Variants in FAM161A observed in about 807,000 individuals in gnomAD.
FAM161A encodes FAM161 centrosomal protein A.
Under a neutral mutation model 70.9 loss-of-function variants are expected in FAM161A, and 57 were observed. That is an observed-to-expected ratio of 0.80 (90% confidence interval 0.65 to 1.00). The LOEUF is 1.00. FAM161A is among the 50% of genes least tolerant of loss of function. The probability of loss-of-function intolerance (pLI) is 0.00; values close to 1 mark genes in which losing one functional copy is unlikely to be tolerated. For missense variants in FAM161A, 880 were observed against 836.0 expected, an observed-to-expected ratio of 1.05 and a Z score of -0.65; for synonymous variants, 299 against 295.7, an observed-to-expected ratio of 1.01 and a Z score of -0.12.
chr2:61,800,320 CATGCATGTAAACAGAGA>C, the FAM161A span, among the ~76,000 whole-genome samples: 3 of 152,322 alleles, frequency 2.0e-5, no homozygotes, highest in East Asian at 5.8e-4. Context: ...ATTGCGTCTG[CATGCATGTAAACAGAGA>C]CCCAATTACC....
At position 61,824,995 on chromosome 2, in the gene FAM161A, C is replaced by T; in HGVS notation, c.*1460G>A. 1 of 453,000 alleles carries T rather than the reference C, an allele frequency of 2.2e-6. No individual in the cohort carries two copies. The highest frequency in any genetic ancestry group is 1.6e-5 in the South Asian group (1 of 63,858). The allele number at this position is 453,000 out of a possible 1,614,324, so 28.1% of individuals were successfully genotyped here. On this transcript the variant is annotated 3_prime_UTR_variant, in exon 7 of 7. Transcript: ENST00000404929. ...ATAATAATAGTAAAAAGTAATTTAACACGAACTGTAGGAAGAAAATTACAA... is the reference window on the plus strand; with the variant it reads ...ATAATAATAGTAAAAAGTAATTTAATACGAACTGTAGGAAGAAAATTACAA...
chr2:61,839,705 G>C lies in FAM161A; in HGVS notation c.1299C>G (p.Asp433Glu). 1 of 1,614,130 alleles carries C rather than the reference G, an allele frequency of 6.2e-7. No homozygotes were observed. Among genetic ancestry groups the C allele is most frequent in the Non-Finnish European group, 8.5e-7 (1 of 1,180,024 alleles). The change falls in exon 3 of 7, where the codon GAC becomes GAG. Residue 433 changes from aspartate to glutamate, a missense_variant. Transcript: ENST00000404929. ...GGTGTTTCTGGTATCTCTCAGGAAGGTCCTCAAAATCAGGAGTTGGGCACC... is the reference window on the plus strand; with the variant it reads ...GGTGTTTCTGGTATCTCTCAGGAAGCTCCTCAAAATCAGGAGTTGGGCACC... ...KVRCPTPDFE[D>E]LPERYQKHLS...
rs1285327894 is a variant in FAM161A at position 61,854,024 on chromosome 2, T to C, written c.18A>G (p.Arg6=). MATSH[R]VAKLVASSLQ... ...GACTGGAGGCCACCAGCTTCGCCACTCGGTGGGAGGTGGCCATCGCCCCGC... is the reference window on the plus strand; with the variant it reads ...GACTGGAGGCCACCAGCTTCGCCACCCGGTGGGAGGTGGCCATCGCCCCGC... Residue 6 remains arginine, a synonymous_variant, in exon 1 of 7, where the codon CGA becomes CGG. Transcript: ENST00000404929. 5 of 1,610,952 alleles carry C rather than the reference T, an allele frequency of 3.1e-6. No individual in the cohort carries two copies. Among genetic ancestry groups the C allele is most frequent in the Non-Finnish European group, 4.2e-6 (5 of 1,178,672 alleles).
chr2:61,803,459 A>G, the FAM161A span: 1 of 630,210 alleles, frequency 1.6e-6, no homozygotes, highest in African/African-American at 1.8e-5. Context: ...GGTGCTGGCA[A>G]AAAGCCGAAG....
chr2:61,839,291 A>G, intron 3 of FAM161A, 130 bp downstream of exon 3: 1 of 772,120 alleles, frequency 1.3e-6, no homozygotes, highest in Non-Finnish European at 2.2e-6. Flanking sequence ...CATATATTAT[A>G]TAGTAAAATA....
chr2:61,845,338 G>A (rs193232238), intron 1 of FAM161A, among the ~76,000 whole-genome samples: 40 of 152,242 alleles, frequency 2.6e-4, no homozygotes, highest in African/African-American at 8.9e-4. Flanking sequence ...TAAACCATGA[G>A]AACACTCCAA....
chr2:61,835,603 C>T (rs886735237), intron 5 of FAM161A: 2 of 162,474 alleles, frequency 1.2e-5, no homozygotes, highest in African/African-American at 2.4e-5. Context: ...GAAAAAAGAC[C>T]AGCCATTAGA....
chr2:61,825,323 C>T lies in FAM161A; in HGVS notation c.*1132G>A, dbSNP rs1672311788. On this transcript the variant is annotated 3_prime_UTR_variant, in exon 7 of 7. Coordinates refer to ENST00000404929, the MANE Select transcript of FAM161A (RefSeq NM_001201543.2). ...AAAAGTTGAACACAACTGGGTCTAGCAGTGAAGAGTTAAATCTGAATTACT... is the reference window on the plus strand; with the variant it reads ...AAAAGTTGAACACAACTGGGTCTAGTAGTGAAGAGTTAAATCTGAATTACT... 1 of 454,016 alleles carries T rather than the reference C, an allele frequency of 2.2e-6. No individual in the cohort carries two copies. Among genetic ancestry groups the T allele is most frequent in the South Asian group, 1.6e-5 (1 of 64,470 alleles). 28.1% of individuals were successfully genotyped at this position (454,016 alleles called of 1,614,324 possible).
chr2:61,851,360 A>G (rs10193788), intron 1 of FAM161A, among the ~76,000 whole-genome samples: 149,044 of 152,292 alleles, frequency 0.98, 72,943 homozygotes, highest in East Asian at 1. Flanking sequence ...TTTTTGAGAC[A>G]TAGTCTCACT....
At chr2:61,839,273 C>A in intron 3 of FAM161A, 148 bp downstream of exon 3, 1 of 692,014 alleles carries the variant, frequency 1.4e-6, no homozygotes, top group Non-Finnish European at 2.4e-6. Flanking sequence ...TACCCTCTGA[C>A]AAAATATCAT....
At chr2:61,824,383 G>A (rs1672279908), downstream of FAM161A, among the ~76,000 whole-genome samples, 1 of 151,864 alleles carries the variant, frequency 6.6e-6, no homozygotes, top group Non-Finnish European at 1.5e-5. Flanking sequence ...GTGTTAACCA[G>A]ATCATGTCTA....
the FAM161A span, among the ~76,000 whole-genome samples, chr2:61,811,849 C>T: frequency 6.6e-6 from 1 of 152,126 alleles, no homozygotes; most frequent in Admixed American, 6.5e-5. Context: ...AGTTTTCAAC[C>T]CTCCCAAAGC....
chr2:61,829,232 TTTCTCTAA>T (rs1237570629), intron 5 of FAM161A, among the ~76,000 whole-genome samples: 4 of 152,218 alleles, frequency 2.6e-5, no homozygotes, highest in Non-Finnish European at 5.9e-5. Flanking sequence ...ATCATGCTAC[TTTCTCTAA>T]GTGGTAGTGG....
intron 1 of FAM161A, among the ~76,000 whole-genome samples, chr2:61,850,854 C>T (rs1673473811): frequency 6.6e-6 from 1 of 152,020 alleles, no homozygotes; most frequent in African/African-American, 2.4e-5. Flanking sequence ...CAACATTTCC[C>T]ATCTTATAGT....
intron 5 of FAM161A, among the ~76,000 whole-genome samples, chr2:61,831,616 C>T (rs780708760): frequency 6.6e-6 from 1 of 152,144 alleles, no homozygotes; most frequent in Non-Finnish European, 1.5e-5. Flanking sequence ...TGAAGACAGT[C>T]AGATCTGGGT....
chr2:61,817,630 C>T, the FAM161A span, among the ~76,000 whole-genome samples: 2 of 152,200 alleles, frequency 1.3e-5, no homozygotes, highest in African/African-American at 4.8e-5. Flanking sequence ...ACAAATCCTT[C>T]AAGTTGCTTC....
At chr2:61,828,692 T>C (rs1672466446) in intron 5 of FAM161A, among the ~76,000 whole-genome samples, 1 of 152,166 alleles carries the variant, frequency 6.6e-6, no homozygotes, top group South Asian at 2.1e-4. Flanking sequence ...CCCAATCCAT[T>C]AAAGATGATA....
intron 4 of FAM161A, 145 bp from the exon 5 acceptor site, chr2:61,836,254 A>G (rs956110507): frequency 1.5e-6 from 1 of 688,574 alleles, no homozygotes; most frequent in African/African-American, 1.8e-5. Flanking sequence ...CAGAAATTAT[A>G]AGCACAGTTC....
In FAM161A at chr2:61,838,602, C is replaced by A. The variant is rs1433053458; in HGVS notation, c.1687G>T (p.Ala563Ser). 11 of 1,612,102 alleles carry A rather than the reference C, an allele frequency of 6.8e-6. No homozygotes were observed. The highest frequency in any genetic ancestry group is 1.3e-5 in the African/African-American group (1 of 74,884). The change falls in exon 4 of 7, where the codon GCT becomes TCT. Residue 563 changes from alanine to serine, a missense_variant. By Grantham distance (99) the Ala-to-Ser change is moderately conservative. Transcript: ENST00000404929. ...CTTTGATGTGAGTCATAAGCCTTAG[C>A]CCGGGTTGTCAGGAGTTTCTGCAAT... ...KELQKLLTTRAKAYDSHQSLA... is the reference protein window; with the variant it reads ...KELQKLLTTRSKAYDSHQSLA...
Sources: gnomAD v4.1 joint callset for allele counts (sites outside exome capture counted in the v4.1 genomes callset) on GRCh38, gnomAD v4.1.1 for gene constraint, MANE v1.5 for transcripts, NCBI Gene and HGNC (gene_info 2026-07-23, HGNC 2026-07-21) for gene names.